RARB: variants seen among roughly 807,000 people sequenced by gnomAD.
RARB encodes retinoic acid receptor beta, also known as HBV-activated protein.
RARB carries 17 observed loss-of-function variants against 51.9 expected under a neutral mutation model. The ratio of observed to expected loss-of-function variants is 0.33; its 90% CI spans 0.22 to 0.49. The LOEUF (loss-of-function observed/expected upper bound fraction) is 0.49, where lower values mean the gene tolerates loss of function less well. RARB is among the 20% of genes least tolerant of loss of function. The probability of loss-of-function intolerance (pLI) is 0.99; values close to 1 mark genes in which losing one functional copy is unlikely to be tolerated. For synonymous variants in RARB, 215 were observed against 195.4 expected (o/e 1.10, Z -0.84); for missense variants, 369 against 550.8 (o/e 0.67, Z 3.30).
In RARB at chr3:25,323,755, A is replaced by G. The variant is rs144647964; in HGVS notation, c.179-137438A>G. On this transcript the variant is annotated intron_variant, in intron 5 of 11. Coordinates refer to the RARB transcript ENST00000383772. Reference sequence around the variant, plus strand: ...GAAGATGAAGAGCTGGAGAAAAAACATAAACCACAGCCCTAAAATGGATGA... The same window carrying G: ...GAAGATGAAGAGCTGGAGAAAAAACGTAAACCACAGCCCTAAAATGGATGA... Among the ~76,000 whole-genome samples the G allele has an allele frequency of 9.9e-3, 1,509 of 152,330 alleles. 17 individuals carry two copies. The highest frequency in any genetic ancestry group is 0.029 in the African/African-American group (1,217 of 41,572).
At chr3:25,468,398 A>T (rs1201033920) in intron 2 of RARB, among the ~76,000 whole-genome samples, 2 of 107,818 alleles carry the variant, frequency 1.9e-5, no homozygotes, top group Admixed American at 9.1e-5. Context: ...TTTTTTTTTA[A>T]CCCATAGCGC....
chr3:25,411,666 T>C (rs1486102100), intron 5 of RARB, among the ~76,000 whole-genome samples: 1 of 152,194 alleles, frequency 6.6e-6, no homozygotes, highest in Non-Finnish European at 1.5e-5. Context: ...ATATTACTGC[T>C]CTGGTTGAAA....
chr3:24,884,823 A>G (rs754691547), intron 2 of RARB, among the ~76,000 whole-genome samples: 13 of 152,178 alleles, frequency 8.5e-5, no homozygotes, highest in Admixed American at 2.6e-4. Flanking sequence ...CACTGCAAAA[A>G]TAGAAACTAT....
chr3:25,252,524 G>A (rs1259386721), intron 5 of RARB, among the ~76,000 whole-genome samples: 1 of 152,084 alleles, frequency 6.6e-6, no homozygotes, highest in African/African-American at 2.4e-5. Context: ...ACTTCTTTCA[G>A]TAATGTTCTG....
At chr3:25,034,642 G>A (rs902649341) in intron 2 of RARB, among the ~76,000 whole-genome samples, 4 of 152,144 alleles carry the variant, frequency 2.6e-5, no homozygotes, top group East Asian at 1.9e-4. Context: ...CATCTTCTAT[G>A]CCAGATACAA....
At chr3:25,057,673 T>G (rs137984459) in intron 2 of RARB, among the ~76,000 whole-genome samples, 2 of 152,056 alleles carry the variant, frequency 1.3e-5, no homozygotes, top group Non-Finnish European at 2.9e-5. Flanking sequence ...TGTTTCAGTT[T>G]CTTGGCTTTT....
At chr3:25,474,479 T>C (rs1695855071) in intron 2 of RARB, among the ~76,000 whole-genome samples, 1 of 152,216 alleles carries the variant, frequency 6.6e-6, no homozygotes, top group Non-Finnish European at 1.5e-5. Flanking sequence ...TATTTTTCAG[T>C]TTCCAGAGTC....
intron 5 of RARB, among the ~76,000 whole-genome samples, chr3:25,352,078 A>G (rs762891588): frequency 4.6e-5 from 7 of 152,208 alleles, no homozygotes; most frequent in Non-Finnish European, 8.8e-5. Context: ...GCTGTGAGTT[A>G]GTGAATTTGG....
intron 2 of RARB, among the ~76,000 whole-genome samples, chr3:25,034,327 T>C (rs1438600399): frequency 6.6e-6 from 1 of 152,152 alleles, no homozygotes; most frequent in African/African-American, 2.4e-5. Context: ...AAAGAATAGC[T>C]GCCTGGATAT....
intron 3 of RARB, among the ~76,000 whole-genome samples, chr3:25,533,000 G>C (rs1397827425): frequency 6.6e-6 from 1 of 152,120 alleles, no homozygotes; most frequent in Non-Finnish European, 1.5e-5. Flanking sequence ...AACTTGTATA[G>C]CTAATGAGCC....
At chr3:24,964,139 C>T (rs147156817) in intron 2 of RARB, among the ~76,000 whole-genome samples, 5 of 151,898 alleles carry the variant, frequency 3.3e-5, no homozygotes, top group Non-Finnish European at 5.9e-5. Context: ...TCCACCCCCC[C>T]ACCCCACATA....
chr3:25,421,407 T>TC lies in RARB; in HGVS notation c.179-39786_179-39785insC, dbSNP rs1352234843. ...ACTAACATTTTTTCTTCTTTTCTTT[T>TC]TTTTTTTTTTTTTTTTTTTTTTTTG... On this transcript the variant is annotated intron_variant, in intron 5 of 11. Transcript: ENST00000383772. 6.0e-4 allele frequency among the ~76,000 whole-genome samples: 79 copies of TC among 130,894 alleles called. 1 individual carries two copies. Among genetic ancestry groups the TC allele is most frequent in the African/African-American group, 2.2e-3 (71 of 32,592 alleles). The allele number at this position is 130,894 out of a possible 152,430, so 85.9% of individuals were successfully genotyped here. A position where few individuals can be genotyped will look rare whatever the true frequency, so the allele number is the denominator to read the frequency against.
chr3:25,078,846 A>G (rs370052437), intron 3 of RARB, among the ~76,000 whole-genome samples: 78 of 152,102 alleles, frequency 5.1e-4, no homozygotes, highest in African/African-American at 1.7e-3. Flanking sequence ...TTGTATTTCT[A>G]TTGTATTATT....
At chr3:25,171,656 A>AAAAAAAAAAAAAAAAAAAAAAAAAAAAAG (rs1700650000) in intron 4 of RARB, among the ~76,000 whole-genome samples, 1 of 148,388 alleles carries the variant, frequency 6.7e-6, no homozygotes, top group African/African-American at 2.5e-5. Flanking sequence ...AAAAAAAAAA[A>AAAAAAAAAAAAAAAAAAAAAAAAAAAAAG]AAAAACAGCT....
At chr3:24,904,631 A>T (rs936824798) in intron 2 of RARB, among the ~76,000 whole-genome samples, 7 of 152,212 alleles carry the variant, frequency 4.6e-5, no homozygotes, top group Non-Finnish European at 1.0e-4. Context: ...AGAACTAGAA[A>T]TATCATTTGA....
Position 25,410,215 on chromosome 3 carries a change from A to G in RARB, c.179-50978A>G, listed in dbSNP as rs572555226. 2.0e-4 allele frequency among the ~76,000 whole-genome samples: 31 copies of G among 152,346 alleles called. No individual in the cohort carries two copies. In the South Asian group the frequency reaches 2.3e-3, roughly 11 times the overall value. On this transcript the variant is annotated intron_variant, in intron 5 of 11. Transcript: ENST00000383772. ...CCCTTTCTTTGATTAGCAAATACATATAACCTAAGATACAAATGAGTAGGC... is the reference window on the plus strand; with the variant it reads ...CCCTTTCTTTGATTAGCAAATACATGTAACCTAAGATACAAATGAGTAGGC...
intron 2 of RARB, among the ~76,000 whole-genome samples, chr3:24,943,622 A>G (rs527646418): frequency 6.6e-6 from 1 of 152,322 alleles, no homozygotes; most frequent in South Asian, 2.1e-4. Context: ...GCAGATGTTA[A>G]CAGGTCTGTA....
chr3:24,963,420 G>A (rs201924193), intron 2 of RARB, among the ~76,000 whole-genome samples: 3 of 95,812 alleles, frequency 3.1e-5, no homozygotes, highest in Admixed American at 2.0e-4. Flanking sequence ...TCCCATCCTT[G>A]TTGTCACGCT....
chr3:25,525,703 C>T (rs1380590812), intron 3 of RARB, among the ~76,000 whole-genome samples: 2 of 152,138 alleles, frequency 1.3e-5, no homozygotes, highest in Admixed American at 1.3e-4. Context: ...AGAAGGTGGT[C>T]ATCACTGCTT....
Sources: allele counts gnomAD v4.1 joint callset (sites outside exome capture counted in the v4.1 genomes callset), GRCh38; gene constraint gnomAD v4.1.1; transcripts MANE v1.5; gene names NCBI Gene and HGNC (gene_info 2026-07-23, HGNC 2026-07-21).